Variants in KDM3B observed in about 807,000 individuals in gnomAD.
The protein encoded by KDM3B is lysine-specific demethylase 3B.
In KDM3B, 10 loss-of-function variants were observed where a neutral mutation model predicts 170.0. That is an observed-to-expected ratio of 0.06 (90% CI 0.04 to 0.10). KDM3B has a LOEUF of 0.10. Ranked by LOEUF, KDM3B falls within the 10% of genes least tolerant of loss-of-function variation. KDM3B has a pLI of 1.00. For missense variants in KDM3B, 1,394 were observed against 2,195.2 expected (o/e 0.64, Z 7.29); for synonymous variants, 831 against 834.8 (o/e 1.00, Z 0.08).
chr5:138,383,966 A>G (rs1762189638), intron 6 of KDM3B, among the ~76,000 whole-genome samples: 1 of 151,446 alleles, frequency 6.6e-6, no homozygotes, highest in Non-Finnish European at 1.5e-5. Flanking sequence ...AAAAGAAGAA[A>G]AAAATCAAGG....
intron 11 of KDM3B, among the ~76,000 whole-genome samples, chr5:138,401,326 A>G (rs1330640769): frequency 6.6e-6 from 1 of 151,270 alleles, no homozygotes; most frequent in Non-Finnish European, 1.5e-5. Context: ...GTGCATAGCT[A>G]AGTAACTTGC....
At chr5:138,423,379 A>G (rs1182236256) in intron 15 of KDM3B, among the ~76,000 whole-genome samples, 1 of 152,176 alleles carries the variant, frequency 6.6e-6, no homozygotes, top group Non-Finnish European at 1.5e-5. Context: ...CTTTATAGAG[A>G]TAGGGATTAG....
chr5:138,371,059 G>C (rs894385557), intron 1 of KDM3B, among the ~76,000 whole-genome samples: 2 of 151,966 alleles, frequency 1.3e-5, no homozygotes, highest in Non-Finnish European at 2.9e-5. Context: ...CACCCGCCTC[G>C]GCCTCCCAAA....
At chr5:138,365,344 G>C (rs1327410806) in intron 1 of KDM3B, among the ~76,000 whole-genome samples, 2 of 152,078 alleles carry the variant, frequency 1.3e-5, no homozygotes, top group Non-Finnish European at 2.9e-5. Context: ...TGCAACCTCT[G>C]CCTCCGGGGT....
At chr5:138,353,383 C>A (rs934974022) in intron 1 of KDM3B, among the ~76,000 whole-genome samples, 1 of 152,262 alleles carries the variant, frequency 6.6e-6, no homozygotes, top group African/African-American at 2.4e-5. Flanking sequence ...GGTCCCCAGC[C>A]TCTCCCAGGA....
chr5:138,381,713 C>T (rs1442544208), intron 6 of KDM3B, 123 bp downstream of exon 6: 4 of 628,640 alleles, frequency 6.4e-6, no homozygotes, highest in Admixed American at 2.6e-5. Flanking sequence ...AGCCACTGTA[C>T]ATTTTTTTGC....
intron 15 of KDM3B, among the ~76,000 whole-genome samples, chr5:138,423,370 T>TTTA (rs1561793937): frequency 2.0e-5 from 3 of 152,246 alleles, no homozygotes. Context: ...TTATACATAC[T>TTTA]TTATAGAGAT....
Position 138,392,232 on chromosome 5 carries a change from A to G in KDM3B, c.2600A>G (p.Lys867Arg), listed in dbSNP as rs536415376. 37 of 1,503,780 alleles carry G rather than the reference A, an allele frequency of 2.5e-5. 1 individual carries two copies. The highest frequency in any genetic ancestry group is 1.4e-4 in the African/African-American group (10 of 71,664). 93.2% of individuals were successfully genotyped at this position (1,503,780 alleles called of 1,614,324 possible). The change falls in exon 8 of 24, where the codon AAG becomes AGG. Residue 867 changes from lysine (K) to arginine (R), a missense_variant. Coordinates refer to ENST00000314358, the MANE Select transcript of KDM3B (RefSeq NM_016604.4). ...LGKSKGKQAP[K>R]GRPRTAPLKV... ...AAAAGCAAAGGGAAGCAGGCCCCCA[A>G]GGGCCGGCCTCGGACTGCCCCCCTG...
intron 9 of KDM3B, 135 bp from the exon 10 acceptor site, chr5:138,398,043 T>G: frequency 1.6e-6 from 1 of 642,204 alleles, no homozygotes. Context: ...GAATGCATAC[T>G]GTTTTGGTCG....
chr5:138,415,250 T>A lies in KDM3B; in HGVS notation c.3307+11T>A. 6.4e-7 allele frequency: 1 copy of A among 1,560,782 alleles called. No homozygotes were observed. The highest frequency in any genetic ancestry group is 8.8e-7 in the Non-Finnish European group (1 of 1,137,476). ...TTATTCCTGGCACAGGTAAGGAAAT[T>A]CCTTTTTTAGATTTGGTGGAAGAAA... is the stretch of plus-strand genomic sequence containing the variant. On this transcript the variant is annotated intron_variant, in intron 12 of 23. Transcript: ENST00000314358.
chr5:138,381,893 A>G (rs1009508055), intron 6 of KDM3B: 3 of 287,562 alleles, frequency 1.0e-5, no homozygotes, highest in Admixed American at 9.6e-5. Context: ...AGTCAGTTAA[A>G]AGTGCAATAA....
intron 7 of KDM3B, among the ~76,000 whole-genome samples, chr5:138,388,281 A>G (rs902555023): frequency 4.6e-5 from 7 of 152,092 alleles, no homozygotes; most frequent in African/African-American, 1.7e-4. Context: ...TTCTGTGACT[A>G]TGACAGTCAT....
At chr5:138,413,354 G>C (rs1238655905) in intron 11 of KDM3B, among the ~76,000 whole-genome samples, 1 of 151,482 alleles carries the variant, frequency 6.6e-6, no homozygotes, top group East Asian at 1.9e-4. Flanking sequence ...CTGCACTCCA[G>C]CCTGGGCGAC....
intron 15 of KDM3B, among the ~76,000 whole-genome samples, chr5:138,422,318 G>A (rs985658904): frequency 1.3e-5 from 2 of 152,094 alleles, no homozygotes; most frequent in African/African-American, 2.4e-5. Flanking sequence ...TTGAATGAAT[G>A]AATTCATAAG....
intron 2 of KDM3B, among the ~76,000 whole-genome samples, chr5:138,373,596 C>T (rs1447659364): frequency 6.6e-6 from 1 of 152,174 alleles, no homozygotes. Flanking sequence ...CATCCTCCCA[C>T]CTCAGCCTCC....
At chr5:138,357,255 A>C (rs1282731388) in intron 1 of KDM3B, among the ~76,000 whole-genome samples, 2 of 151,402 alleles carry the variant, frequency 1.3e-5, no homozygotes, top group East Asian at 3.9e-4. Flanking sequence ...CAAAGTGCTG[A>C]GATTCCAAAC....
Position 138,415,187 on chromosome 5 carries a change from A to C in KDM3B, c.3255A>C (p.Gly1085=). The part of the protein sequence containing the change: ...EVFSWLKCAK[G]QSHEPENLMP... ...TCTCCTGGTTGAAGTGTGCAAAGGG[A>C]CAGTCCCACGAACCAGAGAATCTCA... Residue 1085 remains glycine (G), a synonymous_variant, in exon 12 of 24, where the codon GGA becomes GGC. Coordinates refer to ENST00000314358, the MANE Select transcript of KDM3B (RefSeq NM_016604.4). The C allele has an allele frequency of 6.2e-7, 1 of 1,610,976 alleles. No homozygotes were observed. Among genetic ancestry groups the C allele is most frequent in the Non-Finnish European group, 8.5e-7 (1 of 1,177,728 alleles).
intron 1 of KDM3B, among the ~76,000 whole-genome samples, chr5:138,367,358 AG>A (rs1319161737): frequency 1.3e-5 from 2 of 152,220 alleles, no homozygotes; most frequent in Non-Finnish European, 2.9e-5. Context: ...AATTATAGTA[AG>A]AATGGCCTTG....
At chr5:138,388,742 G>A (rs1376580027) in intron 7 of KDM3B, among the ~76,000 whole-genome samples, 19 of 152,114 alleles carry the variant, frequency 1.2e-4, no homozygotes, top group Admixed American at 1.1e-3. Flanking sequence ...AACCTGGGAG[G>A]CGGAGATTGC....
Sources: allele counts gnomAD v4.1 joint callset (sites outside exome capture counted in the v4.1 genomes callset), GRCh38; gene constraint gnomAD v4.1.1; transcripts MANE v1.5; gene names NCBI Gene and HGNC (gene_info 2026-07-23, HGNC 2026-07-21).